Variants in PPP1R12A observed in about 807,000 individuals in gnomAD.
PPP1R12A encodes myosin binding subunit.
Under a neutral mutation model 139.6 loss-of-function variants are expected in PPP1R12A, and 19 were observed. The observed-to-expected ratio is 0.14, with a 90% confidence interval of 0.09 to 0.20. The LOEUF is 0.20. Among genes scored for constraint, PPP1R12A ranks in the 10% least tolerant of loss-of-function variants. The pLI, the probability that PPP1R12A is intolerant of heterozygous loss-of-function variation, is 1.00. For synonymous variants in PPP1R12A, 427 were observed against 420.6 expected (o/e 1.02, Z -0.19); for missense variants, 925 against 1,211.5 (o/e 0.76, Z 3.51).
Position 79,796,949 on chromosome 12 carries a change from G to A in PPP1R12A, c.2294C>T (p.Thr765Ile). The A allele has an allele frequency of 1.3e-6, 2 of 1,598,844 alleles. No individual in the cohort carries two copies. The highest frequency in any genetic ancestry group is 1.7e-6 in the Non-Finnish European group (2 of 1,175,240). ...TGATACTGGCCTATAACGCTGGTAA[G>A]TCTGTGAAACATTAAGATCAAAACC... ...KQKYSRTYDE[T>I]YQRYRPVSTS... The change falls in exon 17 of 25, where the codon ACT becomes ATT. Residue 765 changes from threonine to isoleucine, a missense_variant and splice_region_variant. Thr to Ile is a moderately conservative substitution (Grantham distance 89). Coordinates refer to ENST00000450142, the MANE Select transcript of PPP1R12A (RefSeq NM_002480.3).
intron 22 of PPP1R12A, among the ~76,000 whole-genome samples, chr12:79,785,960 T>C (rs1466991962): frequency 6.6e-6 from 1 of 152,174 alleles, no homozygotes; most frequent in Non-Finnish European, 1.5e-5. Context: ...GGAGTTATGA[T>C]TAAAATTATC....
At chr12:79,873,282 G>A (rs1592749070) in intron 1 of PPP1R12A, among the ~76,000 whole-genome samples, 1 of 152,194 alleles carries the variant, frequency 6.6e-6, no homozygotes, top group East Asian at 1.9e-4. Context: ...GGGGAAGGGG[G>A]AGTAGATTCC....
intron 2 of PPP1R12A, among the ~76,000 whole-genome samples, chr12:79,872,221 A>C (rs1248417733): frequency 6.6e-5 from 10 of 152,168 alleles, no homozygotes; most frequent in Admixed American, 6.5e-4. Flanking sequence ...TAAGAAAAAT[A>C]ATTTAATGAA....
At chr12:79,824,966 T>G (rs1025173006) in intron 5 of PPP1R12A, 3 of 152,198 alleles carry the variant, frequency 2.0e-5, no homozygotes, top group Admixed American at 1.3e-4. Flanking sequence ...TTTACTCACT[T>G]ATTCTAACCA....
intron 2 of PPP1R12A, among the ~76,000 whole-genome samples, chr12:79,870,807 T>C (rs1882489774): frequency 6.6e-6 from 1 of 152,182 alleles, no homozygotes; most frequent in Non-Finnish European, 1.5e-5. Context: ...TCTTATATAC[T>C]AGCATGTAAA....
At chr12:79,896,220 A>C (rs570364952) in intron 1 of PPP1R12A, among the ~76,000 whole-genome samples, 1 of 152,296 alleles carries the variant, frequency 6.6e-6, no homozygotes, top group African/African-American at 2.4e-5. Context: ...ACCTTTCTAA[A>C]ACATCCCTAA....
At chr12:79,884,783 T>C (rs1224572513) in intron 1 of PPP1R12A, among the ~76,000 whole-genome samples, 1 of 152,184 alleles carries the variant, frequency 6.6e-6, no homozygotes, top group Non-Finnish European at 1.5e-5. Flanking sequence ...TGAAGACAGT[T>C]TTGTCATTTA....
chr12:79,912,876 T>C (rs1226213601), intron 1 of PPP1R12A, among the ~76,000 whole-genome samples: 1 of 152,206 alleles, frequency 6.6e-6, no homozygotes, highest in Non-Finnish European at 1.5e-5. Flanking sequence ...TAGAGTACGT[T>C]TCCATTGCTA....
chr12:79,813,502 A>C (rs931752653), intron 9 of PPP1R12A, among the ~76,000 whole-genome samples: 3 of 152,204 alleles, frequency 2.0e-5, no homozygotes, highest in Non-Finnish European at 2.9e-5. Context: ...ATTAACCAGA[A>C]CACTTAATTC....
rs753479627 is a variant in PPP1R12A at position 79,821,085 on chromosome 12, A to G, written c.949T>C (p.Phe317Leu). 2 of 1,609,778 alleles carry G rather than the reference A, an allele frequency of 1.2e-6. No homozygotes were observed. Among genetic ancestry groups the G allele is most frequent in the Non-Finnish European group, 1.7e-6 (2 of 1,177,224 alleles). Residue 317 changes from phenylalanine to leucine, a missense_variant, in exon 7 of 25, where the codon TTT becomes CTT. By Grantham distance (22) the Phe-to-Leu change is conservative (BLOSUM62 0). Around this residue, in one of 4 missense-constraint regions of PPP1R12A, gnomAD observed 403 missense variants for 463.7 expected, o/e 0.87. Transcript: ENST00000450142. ...NMDNNQSQKT[F>L]KNKETLIIEP... ...CTTGAATATTTTACTCACTTTTTAA[A>G]GGTCTTCTGTGACTGATTATTGTCC...
chr12:79,913,486 C>T (rs901315190), intron 1 of PPP1R12A, among the ~76,000 whole-genome samples: 1 of 152,128 alleles, frequency 6.6e-6, no homozygotes, highest in Non-Finnish European at 1.5e-5. Flanking sequence ...AATCAAGTGT[C>T]CATATCTGTC....
intron 1 of PPP1R12A, among the ~76,000 whole-genome samples, chr12:79,884,638 G>T (rs1347646034): frequency 3.3e-5 from 5 of 152,036 alleles, no homozygotes; most frequent in Admixed American, 3.3e-4. Flanking sequence ...GACTAAATTT[G>T]GTCAGTTTAC....
intron 2 of PPP1R12A, among the ~76,000 whole-genome samples, chr12:79,846,688 C>CA (rs368160951): frequency 2.2e-4 from 33 of 151,850 alleles, no homozygotes; most frequent in African/African-American, 7.7e-4. Context: ...CTCGGCCTCC[C>CA]AAAGTGCTGG....
intron 1 of PPP1R12A, among the ~76,000 whole-genome samples, chr12:79,904,586 T>C (rs958845666): frequency 3.9e-5 from 6 of 152,198 alleles, no homozygotes; most frequent in East Asian, 1.9e-4. Flanking sequence ...AAGACTCTTA[T>C]ATAAACAGCA....
chr12:79,808,515 G>A lies in PPP1R12A; in HGVS notation c.1518C>T (p.Ala506=). The change falls in exon 11 of 25, where the codon GCC becomes GCT. Residue 506 remains alanine, a synonymous_variant. Transcript: ENST00000450142. ...CTTTCTCTTCAATGTCAGATGTACT[G>A]GCTAGTCGTCTTGGTATTGTAGGTG... ...YVAPTIPRRL[A]STSDIEEKEN... is the part of the protein sequence containing the mutation. The A allele has an allele frequency of 6.2e-7, 1 of 1,609,028 alleles. No homozygotes were observed.
rs1001451422 is a variant in PPP1R12A, at chr12:79,796,965, G to A, written c.2293-15C>T. The A allele has an allele frequency of 1.9e-6, 3 of 1,579,124 alleles. No homozygotes were observed. Among genetic ancestry groups the A allele is most frequent in the Non-Finnish European group, 2.6e-6 (3 of 1,168,014 alleles). On this transcript the variant is annotated splice_polypyrimidine_tract_variant and intron_variant, in intron 16 of 24. Transcript: ENST00000450142. ...CGCTGGTAAGTCTGTGAAACATTAA[G>A]ATCAAAACCCATTTGAAACATTAAA...
At chr12:79,807,561 T>C (rs1255744684) in intron 11 of PPP1R12A, among the ~76,000 whole-genome samples, 1 of 152,048 alleles carries the variant, frequency 6.6e-6, no homozygotes, top group Non-Finnish European at 1.5e-5. Flanking sequence ...AAATATGCTT[T>C]TTGATCACAA....
At chr12:79,927,766 A>G (rs1592848219) in intron 1 of PPP1R12A, among the ~76,000 whole-genome samples, 1 of 152,260 alleles carries the variant, frequency 6.6e-6, no homozygotes, top group South Asian at 2.1e-4. Flanking sequence ...CTGCTCCTCA[A>G]TAAAACACTG....
chr12:79,833,846 G>GAA lies in PPP1R12A; in HGVS notation c.488-1357_488-1356dup, dbSNP rs371589074. 6.1e-3 allele frequency among the ~76,000 whole-genome samples: 709 copies of GAA among 116,726 alleles called. 8 individuals carry two copies. Among genetic ancestry groups the GAA allele is most frequent in the South Asian group, 0.029 (101 of 3,460 alleles). 76.6% of individuals were successfully genotyped at this position (116,726 alleles called of 152,430 possible). ...AGTGAGACTTTGCCTCAAAGAAAAGGAAAAAAAAAAAAAAAAAGCAAAGTA... is the reference window on the plus strand; with the variant it reads ...AGTGAGACTTTGCCTCAAAGAAAAGGAAAAAAAAAAAAAAAAAAAGCAAAGTA... On this transcript the variant is annotated intron_variant, in intron 3 of 24. Coordinates refer to ENST00000450142, the MANE Select transcript of PPP1R12A (RefSeq NM_002480.3).
Sources: gnomAD v4.1 joint callset for allele counts (sites outside exome capture counted in the v4.1 genomes callset) on GRCh38, gnomAD v4.1.1 for gene constraint, gnomAD v4.1.1 regional missense constraint, MANE v1.5 for transcripts, NCBI Gene and HGNC (gene_info 2026-07-23, HGNC 2026-07-21) for gene names.